The following RIPOR3 variants were observed in gnomAD, a reference collection of about 807,000 sequenced individuals.
RIPOR3 encodes RIPOR family member 3, also known as family with sequence similarity 65 member C.
A neutral mutation model predicts 114.3 loss-of-function variants in RIPOR3; 95 were observed. That is an observed-to-expected ratio of 0.83 (90% CI 0.70 to 0.99). The LOEUF (loss-of-function observed/expected upper bound fraction) is 0.99. Among genes scored for constraint, RIPOR3 ranks in the 50% least tolerant of loss-of-function variants. The pLI, the probability that RIPOR3 is intolerant of heterozygous loss-of-function variation, is 0.00. For synonymous variants in RIPOR3, 575 were observed against 543.8 expected (o/e 1.06, Z -0.80); for missense variants, 1,252 against 1,266.9 (o/e 0.99, Z 0.18).
intron 1 of RIPOR3, among the ~76,000 whole-genome samples, chr20:50,648,544 G>A (rs1164850975): frequency 2.0e-5 from 3 of 151,964 alleles, no homozygotes; most frequent in African/African-American, 4.8e-5. Flanking sequence ...TGGTTTTGGG[G>A]TGATTCAAGT....
chr20:50,674,105 A>G (rs1340795400), intron 1 of RIPOR3, among the ~76,000 whole-genome samples: 2 of 152,126 alleles, frequency 1.3e-5, no homozygotes, highest in African/African-American at 2.4e-5. Flanking sequence ...CCCGCTTTTT[A>G]TAGCCTCTCT....
chr20:50,653,842 C>T (rs947837003), intron 1 of RIPOR3: 3 of 152,058 alleles, frequency 2.0e-5, no homozygotes, highest in African/African-American at 2.4e-5. Flanking sequence ...CCATCCGCCT[C>T]GGATATTTCT....
rs899561384 is a variant in RIPOR3, at chr20:50,636,551, G to A, written c.4-5695C>T. 3.6e-5 allele frequency: 35 copies of A among 985,382 alleles called. 1 individual carries two copies. In the African/African-American group the frequency reaches 5.6e-4, roughly 16 times the overall value. The allele number at this position is 985,382 out of a possible 1,614,324, so 61.0% of individuals were successfully genotyped here. A position where few individuals can be genotyped will look rare whatever the true frequency, so the allele number is the denominator to read the frequency against. ...CCCTGCTGGGCCCCAGGGCAGAGAA[G>A]GGAGGCACAGAGTCATGCAGTTCCC... On this transcript the variant is annotated intron_variant, in intron 1 of 21. Transcript: ENST00000327979.
rs199983606 is a variant in RIPOR3, at chr20:50,592,481, G to A, written c.2440C>T (p.Arg814Trp). Residue 814 changes from arginine to tryptophan, a missense_variant, in exon 19 of 22, where the codon CGG becomes TGG. Physicochemically the swap from Arg to Trp is moderately radical, Grantham distance 101. Coordinates refer to ENST00000327979, the MANE Select transcript of RIPOR3 (RefSeq NM_001290268.2). Reference sequence around the variant, plus strand: ...GGCAGAGGCTGGAGCTGGCCCAGCCGCTTCCCCTGCAGCTTCCGGACCACC... The same window carrying A: ...GGCAGAGGCTGGAGCTGGCCCAGCCACTTCCCCTGCAGCTTCCGGACCACC... ...AKVVRKLQGKRLGQLQPLPQT... is the reference protein window; with the variant it reads ...AKVVRKLQGKWLGQLQPLPQT... 1.8e-5 allele frequency: 29 copies of A among 1,610,434 alleles called. No individual in the cohort carries two copies. In the African/African-American group the frequency reaches 2.1e-4, roughly 12 times the overall value.
rs565982251 is a variant in RIPOR3 at position 50,592,606 on chromosome 20, G to A, written c.2375-60C>T. 2.4e-5 allele frequency: 33 copies of A among 1,373,096 alleles called. No individual in the cohort carries two copies. In the African/African-American group the frequency reaches 3.7e-4, roughly 15 times the overall value. The allele number at this position is 1,373,096 out of a possible 1,614,324, so 85.1% of individuals were successfully genotyped here. A position where few individuals can be genotyped will look rare whatever the true frequency, so the allele number is the denominator to read the frequency against. On this transcript the variant is annotated intron_variant, in intron 18 of 21. Transcript: ENST00000327979. Reference sequence around the variant, plus strand: ...TGAATGGGAGTTTGGCAGGACAGCTGCAAGTTTGCTTGGCTGCTGCCAGTA... The same window carrying A: ...TGAATGGGAGTTTGGCAGGACAGCTACAAGTTTGCTTGGCTGCTGCCAGTA...
intron 1 of RIPOR3, chr20:50,636,533 G>A: frequency 2.0e-6 from 2 of 983,604 alleles, no homozygotes; most frequent in Non-Finnish European, 2.4e-6. Context: ...AGACCCTGCT[G>A]GGCCCCAGGG....
chr20:50,588,556 C>G (rs2082997635), intron 20 of RIPOR3, among the ~76,000 whole-genome samples: 1 of 152,128 alleles, frequency 6.6e-6, no homozygotes, highest in Non-Finnish European at 1.5e-5. Context: ...CTCATATTCT[C>G]CGGTCCTAGA....
intron 1 of RIPOR3, among the ~76,000 whole-genome samples, chr20:50,677,367 CTTTTTTTTT>C (rs34725648): frequency 1.0e-5 from 1 of 96,800 alleles, no homozygotes; most frequent in East Asian, 3.0e-4. Context: ...TCTTGTTTTA[CTTTTTTTTT>C]TTTTTTTTTT....
intron 1 of RIPOR3, among the ~76,000 whole-genome samples, chr20:50,656,252 G>A (rs1214331227): frequency 6.6e-6 from 1 of 151,832 alleles, no homozygotes; most frequent in Non-Finnish European, 1.5e-5. Context: ...TTGGAGTCGA[G>A]GGGCCTGGGT....
chr20:50,613,566 A>G (rs899125771), intron 4 of RIPOR3, among the ~76,000 whole-genome samples: 14 of 152,232 alleles, frequency 9.2e-5, no homozygotes, highest in African/African-American at 3.4e-4. Context: ...TCTTGTTTCA[A>G]TGAGAACCAG....
At chr20:50,649,597 A>T (rs536931788) in intron 1 of RIPOR3, among the ~76,000 whole-genome samples, 2 of 99,198 alleles carry the variant, frequency 2.0e-5, no homozygotes, top group South Asian at 6.7e-4. Context: ...CCCCACCCCC[A>T]CCCACAGGGA....
In RIPOR3 at chr20:50,592,340, G is replaced by A. The variant is rs778072886; in HGVS notation, c.2577+4C>T. 19 of 1,564,108 alleles carry A rather than the reference G, an allele frequency of 1.2e-5. No individual in the cohort carries two copies. In the South Asian group the frequency reaches 1.8e-4, roughly 14 times the overall value. On this transcript the variant is annotated splice_donor_region_variant and intron_variant, in intron 19 of 21. Coordinates refer to ENST00000327979, the MANE Select transcript of RIPOR3 (RefSeq NM_001290268.2). ...GGGTCTGCCACCTGCCCTGGACAAC[G>A]TACCTTTTCCCGGAAGCTTCTGTTC...
At position 50,602,301 on chromosome 20, in the gene RIPOR3, C is replaced by T. The variant is rs746255705; in HGVS notation, c.1430G>A (p.Gly477Glu). The T allele has an allele frequency of 1.2e-6, 2 of 1,613,810 alleles. No individual in the cohort carries two copies. Among genetic ancestry groups the T allele is most frequent in the South Asian group, 2.2e-5 (2 of 91,086 alleles). The change falls in exon 13 of 22, where the codon GGA becomes GAA. Residue 477 changes from glycine to glutamate, a missense_variant. By Grantham distance (98) the Gly-to-Glu change is moderately conservative. Transcript: ENST00000327979. This position sits in a 1 kb window ranked among gnomAD's most constrained non-coding sequence, Gnocchi z 4.3. ...FAEQPGWRNL[G>E]GESPSLPQGS... is the part of the protein sequence containing the mutation. Reference sequence around the variant, plus strand: ...CTGTGGCAGGCTGGGGCTCTCCCCTCCTAAGTTCCTCCAGCCAGGCTGCTC... The same window carrying T: ...CTGTGGCAGGCTGGGGCTCTCCCCTTCTAAGTTCCTCCAGCCAGGCTGCTC...
intron 15 of RIPOR3, 101 bp from the exon 16 acceptor site, chr20:50,595,605 C>G (rs975780509): frequency 6.7e-7 from 1 of 1,487,590 alleles, no homozygotes; most frequent in African/African-American, 1.4e-5. Context: ...TCTCTTCTGT[C>G]CCGGGGGCAG....
intron 1 of RIPOR3, among the ~76,000 whole-genome samples, chr20:50,670,600 C>T (rs1393422826): frequency 6.6e-6 from 1 of 152,178 alleles, no homozygotes; most frequent in Non-Finnish European, 1.5e-5. Context: ...AAATGTACAG[C>T]ATGGATATCC....
At position 50,640,020 on chromosome 20, in the gene RIPOR3, C is replaced by T. The variant is rs62202777; in HGVS notation, c.4-9164G>A. On this transcript the variant is annotated intron_variant, in intron 1 of 21. Coordinates refer to ENST00000327979, the MANE Select transcript of RIPOR3 (RefSeq NM_001290268.2). ...ACCTGGGCTGGAGGGTTCATTAACC[C>T]GTATGGTGGCTTAGGCATAATTTTC... is the stretch of plus-strand genomic sequence containing the variant. Among the ~76,000 whole-genome samples, 848 of 148,824 alleles carry T rather than the reference C, an allele frequency of 5.7e-3. 9 individuals are homozygous for T. The highest frequency in any genetic ancestry group is 9.5e-3 in the Non-Finnish European group (640 of 67,596).
rs138585842 is a variant in RIPOR3, at chr20:50,616,035, T to C, written c.315A>G (p.Gly105=). 6 of 1,611,208 alleles carry C rather than the reference T, an allele frequency of 3.7e-6. No homozygotes were observed. Among genetic ancestry groups the C allele is most frequent in the Non-Finnish European group, 5.1e-6 (6 of 1,179,024 alleles). Residue 105 remains glycine, a synonymous_variant, in exon 4 of 22, where the codon GGA becomes GGG. Coordinates refer to ENST00000327979, the MANE Select transcript of RIPOR3 (RefSeq NM_001290268.2). ...AATTCCTCCTGGTGTCTTTGTGGCG[T>C]CCAGACAGGTGGTCCAGCTCAGCCT... is the stretch of plus-strand genomic sequence containing the variant. ...VQQAELDHLS[G]RHKDTRRNSR...
chr20:50,602,048 C>G lies in RIPOR3; in HGVS notation c.1659+24G>C. 6.8e-7 allele frequency: 1 copy of G among 1,465,088 alleles called. No individual in the cohort carries two copies. The highest frequency in any genetic ancestry group is 9.0e-7 in the Non-Finnish European group (1 of 1,110,130). The allele number at this position is 1,465,088 out of a possible 1,614,324, so 90.8% of individuals were successfully genotyped here. On this transcript the variant is annotated intron_variant, in intron 13 of 21. Coordinates refer to ENST00000327979, the MANE Select transcript of RIPOR3 (RefSeq NM_001290268.2). The surrounding 1 kb of genome is among the most constrained non-coding windows in gnomAD (Gnocchi z 4.3). ...TCATGCCATCAGCAAAGCAGGGCCA[C>G]CGCCCGGGGCGGGGTGGCCATACCT...
intron 2 of RIPOR3, among the ~76,000 whole-genome samples, chr20:50,628,069 G>C (rs2084685908): frequency 6.6e-6 from 1 of 152,224 alleles, no homozygotes; most frequent in African/African-American, 2.4e-5. Context: ...GAAAGTGGGG[G>C]ACTCTGATAA....
Sources: allele counts gnomAD v4.1 joint callset (sites outside exome capture counted in the v4.1 genomes callset), GRCh38; gene constraint gnomAD v4.1.1; non-coding constraint Gnocchi (gnomAD v3.1); transcripts MANE v1.5; gene names NCBI Gene and HGNC (gene_info 2026-07-23, HGNC 2026-07-21).